GFI1B: variants seen among roughly 807,000 people sequenced by gnomAD.
GFI1B encodes the protein zinc finger protein Gfi-1b.
GFI1B carries 20 observed loss-of-function variants against 35.3 expected under a neutral mutation model. The ratio of observed to expected loss-of-function variants is 0.57; its 90% CI spans 0.40 to 0.82. The LOEUF is 0.82. Among genes scored for constraint, GFI1B ranks in the 40% least tolerant of loss-of-function variants. The probability of loss-of-function intolerance (pLI) is 0.00; values close to 1 mark genes in which losing one functional copy is unlikely to be tolerated. For synonymous variants in GFI1B, 178 were observed against 177.6 expected (o/e 1.00, Z -0.02); for missense variants, 430 against 446.3 (o/e 0.96, Z 0.33).
At chr9:132,977,696 G>A (rs1421960420), upstream of GFI1B, among the ~76,000 whole-genome samples, 4 of 152,108 alleles carry the variant, frequency 2.6e-5, no homozygotes, top group Non-Finnish European at 2.9e-5. Context: ...GGAGCCAGGG[G>A]ATGGGACGCC....
Position 132,989,794 on chromosome 9 carries a change from C to A in GFI1B, c.701C>A (p.Thr234Lys). The change falls in exon 6 of 7, where the codon ACG becomes AAG. Residue 234 changes from threonine (T) to lysine (K), a missense_variant. Physicochemically the swap from Thr to Lys is moderately conservative, Grantham distance 78 (BLOSUM62 -1). Transcript: ENST00000372122. This position sits in a 1 kb window ranked among gnomAD's most constrained non-coding sequence, Gnocchi z 6.2. Reference sequence around the variant, plus strand: ...GGCAAGGCCTTCAAGCGCTCGTCCACGCTGTCCACCCACCTGCTCATCCAC... The same window carrying A: ...GGCAAGGCCTTCAAGCGCTCGTCCAAGCTGTCCACCCACCTGCTCATCCAC... ...MCGKAFKRSS[T>K]LSTHLLIHSD... 1 of 1,613,986 alleles carries A rather than the reference C, an allele frequency of 6.2e-7. No individual in the cohort carries two copies. Among genetic ancestry groups the A allele is most frequent in the Non-Finnish European group, 8.5e-7 (1 of 1,179,796 alleles).
chr9:132,989,137 T>C lies in GFI1B; in HGVS notation c.587T>C (p.Ile196Thr). 3.7e-6 allele frequency: 6 copies of C among 1,613,934 alleles called. No individual in the cohort carries two copies. The highest frequency in any genetic ancestry group is 5.1e-6 in the Non-Finnish European group (6 of 1,179,916). Residue 196 changes from isoleucine (I) to threonine (T), a missense_variant, in exon 5 of 7, where the codon ATC becomes ACC. Ile to Thr is a moderately conservative substitution (Grantham distance 89). Transcript: ENST00000372122. This position sits in a 1 kb window ranked among gnomAD's most constrained non-coding sequence, Gnocchi z 6.2. ...HSGTRPFACD[I>T]CGKTFGHAVS... The stretch of plus-strand genomic sequence containing the variant: ...GGGACCCGGCCCTTCGCCTGTGACA[T>C]CTGCGGCAAAACCTTCGGCCACGCT...
At chr9:132,955,531 A>AT (rs1237757713) in intron 1 of GFI1B, among the ~76,000 whole-genome samples, 5 of 152,036 alleles carry the variant, frequency 3.3e-5, no homozygotes, top group Non-Finnish European at 7.4e-5. Context: ...GCCTTAAGTG[A>AT]TCCTCCCGCC....
intron 1 of GFI1B, among the ~76,000 whole-genome samples, chr9:132,956,119 C>G (rs1244345756): frequency 1.3e-5 from 2 of 152,162 alleles, no homozygotes; most frequent in African/African-American, 4.8e-5. Context: ...ACACATGTGG[C>G]CACTATGGCC....
intron 1 of GFI1B, among the ~76,000 whole-genome samples, chr9:132,964,170 G>A (rs1384840337): frequency 6.6e-6 from 1 of 152,174 alleles, no homozygotes; most frequent in African/African-American, 2.4e-5. Context: ...AACCTGGGAG[G>A]TGGAGGTTGC....
intron 4 of GFI1B, 102 bp downstream of exon 4, chr9:132,988,570 C>T (rs1051419465): frequency 2.2e-5 from 24 of 1,092,518 alleles, no homozygotes; most frequent in Non-Finnish European, 3.2e-5. Flanking sequence ...AATGTTGGGG[C>T]TCTGGTGGGA....
Position 132,989,647 on chromosome 9 carries a change from C to T in GFI1B, c.649-95C>T. On this transcript the variant is annotated intron_variant, in intron 5 of 6. Coordinates refer to ENST00000372122, the MANE Select transcript of GFI1B (RefSeq NM_001377304.1). The surrounding 1 kb of genome is among the most constrained non-coding windows in gnomAD (Gnocchi z 6.2). ...GGTCCCCCGGTCCTGCTCCTCCAGG[C>T]CGCCCCAATGGAGTGTCCTGTTCCG... is the stretch of plus-strand genomic sequence containing the variant. 2.0e-6 allele frequency: 2 copies of T among 982,888 alleles called. No individual in the cohort carries two copies. The highest frequency in any genetic ancestry group is 1.6e-6 in the Non-Finnish European group (1 of 636,688). 60.9% of individuals were successfully genotyped at this position (982,888 alleles called of 1,614,324 possible). A position where few individuals can be genotyped will look rare whatever the true frequency, so the allele number is the denominator to read the frequency against.
chr9:132,986,756 C>T lies in GFI1B; in HGVS notation c.78C>T (p.Leu26=), dbSNP rs764445985. 13 of 1,611,534 alleles carry T rather than the reference C, an allele frequency of 8.1e-6. No homozygotes were observed. The highest frequency in any genetic ancestry group is 1.1e-5 in the Non-Finnish European group (13 of 1,178,550). ...CCCGTGTGCAGGAAGATGAACCGCT[C>T]TGGCCTCCTGCCCTTACCCCGGGTG... The part of the protein sequence containing the change: ...HQPRVQEDEP[L]WPPALTPVPR... The change falls in exon 2 of 7, where the codon CTC becomes CTT. Residue 26 remains leucine, a synonymous_variant. Coordinates refer to ENST00000372122, the MANE Select transcript of GFI1B (RefSeq NM_001377304.1).
chr9:132,990,743 G>GT (rs1278708929), intron 6 of GFI1B, 129 bp from the exon 7 acceptor site: 1 of 760,722 alleles, frequency 1.3e-6, no homozygotes, highest in Non-Finnish European at 2.2e-6. Flanking sequence ...TAAAGTGAAT[G>GT]TGAGTTGGCC....
intron 1 of GFI1B, among the ~76,000 whole-genome samples, chr9:132,985,771 G>C (rs1462158214): frequency 6.6e-6 from 1 of 152,234 alleles, no homozygotes; most frequent in Non-Finnish European, 1.5e-5. Flanking sequence ...GAGAGGTTAA[G>C]TGTGTGTCCC....
At chr9:132,962,741 GTCACCATA>G (rs1454114953) in intron 1 of GFI1B, 2 of 400,498 alleles carry the variant, frequency 5.0e-6, no homozygotes, top group Admixed American at 5.8e-5. Flanking sequence ...AGCTGAAAAT[GTCACCATA>G]TCTGGACAGT....
chr9:132,947,638 G>C (rs1848139551), intron 1 of GFI1B, among the ~76,000 whole-genome samples: 1 of 151,670 alleles, frequency 6.6e-6, no homozygotes, highest in Non-Finnish European at 1.5e-5. Flanking sequence ...GTGAAACCCT[G>C]TCTCTACTAA....
intron 1 of GFI1B, among the ~76,000 whole-genome samples, chr9:132,982,754 A>T (rs1848873343): frequency 6.6e-6 from 1 of 151,776 alleles, no homozygotes; most frequent in Admixed American, 6.6e-5. Flanking sequence ...CACCGGGTGC[A>T]TTTGGCCCCT....
downstream of GFI1B, among the ~76,000 whole-genome samples, chr9:132,992,876 G>C (rs147733969): frequency 2.6e-5 from 4 of 152,054 alleles, no homozygotes; most frequent in East Asian, 7.7e-4. Flanking sequence ...GAATGAACTT[G>C]CAGGTACTGA....
At chr9:132,968,822 T>C (rs1202150119) in intron 1 of GFI1B, among the ~76,000 whole-genome samples, 2 of 152,168 alleles carry the variant, frequency 1.3e-5, no homozygotes, top group Non-Finnish European at 2.9e-5. Flanking sequence ...GAACATACAA[T>C]TTATTATCCT....
At chr9:132,979,605 G>T (rs1484572613) in intron 1 of GFI1B, among the ~76,000 whole-genome samples, 1 of 152,126 alleles carries the variant, frequency 6.6e-6, no homozygotes, top group African/African-American at 2.4e-5. Context: ...GAGATGACAG[G>T]GCTGCCCTCT....
intron 1 of GFI1B, among the ~76,000 whole-genome samples, chr9:132,981,210 T>C (rs1407480144): frequency 1.3e-5 from 2 of 152,226 alleles, no homozygotes; most frequent in Non-Finnish European, 2.9e-5. Context: ...GACCACATGT[T>C]GTTTGGACAT....
At chr9:132,976,771 C>T (rs148752627), upstream of GFI1B, among the ~76,000 whole-genome samples, 6 of 151,918 alleles carry the variant, frequency 3.9e-5, no homozygotes, top group East Asian at 1.2e-3. Flanking sequence ...TAGCAAGACC[C>T]CATCTCTAAA....
upstream of GFI1B, among the ~76,000 whole-genome samples, chr9:132,973,763 G>A (rs1188207026): frequency 1.3e-5 from 2 of 152,226 alleles, no homozygotes; most frequent in Non-Finnish European, 2.9e-5. Context: ...GTAGAAGATA[G>A]AAGCCATGGC....
Sources: allele counts gnomAD v4.1 joint callset (sites outside exome capture counted in the v4.1 genomes callset), GRCh38; gene constraint gnomAD v4.1.1; non-coding constraint Gnocchi (gnomAD v3.1); transcripts MANE v1.5; gene names NCBI Gene and HGNC (gene_info 2026-07-23, HGNC 2026-07-21).